UNC13C: variants seen among roughly 807,000 people sequenced by gnomAD.
UNC13C encodes the protein unc-13 homolog C.
A neutral mutation model predicts 245.4 loss-of-function variants in UNC13C; 174 were observed. That is an observed-to-expected ratio of 0.71 (90% confidence interval 0.63 to 0.80). UNC13C has a LOEUF of 0.80. Ranked by LOEUF, UNC13C falls within the 30% of genes least tolerant of loss-of-function variation. The pLI is 0.00. For missense variants in UNC13C, 2,829 were observed against 2,602.9 expected (o/e 1.09, Z -1.89); for synonymous variants, 992 against 895.1 (o/e 1.11, Z -1.93).
chr15:53,927,958 A>G, the UNC13C span, among the ~76,000 whole-genome samples: 2 of 152,204 alleles, frequency 1.3e-5, no homozygotes, highest in Non-Finnish European at 2.9e-5. Flanking sequence ...AACTAGTTGA[A>G]ATAGACATGT....
intron 19 of UNC13C, among the ~76,000 whole-genome samples, chr15:54,455,205 C>CTCTCTCTCTCTCTCTA (rs1388065398): frequency 2.6e-4 from 5 of 18,960 alleles, no homozygotes; most frequent in Non-Finnish European, 3.7e-4. Flanking sequence ...CTCTCTCTCT[C>CTCTCTCTCTCTCTCTA]TATATATATA....
At chr15:54,071,014 AT>A (rs577436821) in intron 2 of UNC13C, among the ~76,000 whole-genome samples, 1 of 152,182 alleles carries the variant, frequency 6.6e-6, no homozygotes, top group Non-Finnish European at 1.5e-5. Flanking sequence ...TTTTAACTTT[AT>A]AAAGATAATA....
At chr15:54,326,823 C>G (rs1214569320) in intron 14 of UNC13C, among the ~76,000 whole-genome samples, 1 of 152,024 alleles carries the variant, frequency 6.6e-6, no homozygotes, top group Non-Finnish European at 1.5e-5. Context: ...TATGCTACAA[C>G]TGGCTGGTAC....
intron 17 of UNC13C, among the ~76,000 whole-genome samples, chr15:54,340,248 A>G (rs113282447): frequency 0.26 from 39,118 of 152,020 alleles, 5,373 homozygotes; most frequent in Admixed American, 0.34. Context: ...TATTTACTCT[A>G]CTGACTGTTC....
At chr15:54,234,662 C>G (rs1342757383) in intron 4 of UNC13C, among the ~76,000 whole-genome samples, 1 of 152,142 alleles carries the variant, frequency 6.6e-6, no homozygotes, top group East Asian at 1.9e-4. Context: ...AGCACCATAG[C>G]CAGACCAAAC....
intron 19 of UNC13C, among the ~76,000 whole-genome samples, chr15:54,422,683 G>C (rs1321466212): frequency 6.6e-6 from 1 of 151,720 alleles, no homozygotes; most frequent in Non-Finnish European, 1.5e-5. Flanking sequence ...TCTCTTCATA[G>C]AGGGCTCCTT....
At chr15:53,888,219 T>A in the UNC13C span, among the ~76,000 whole-genome samples, 1 of 152,194 alleles carries the variant, frequency 6.6e-6, no homozygotes, top group Non-Finnish European at 1.5e-5. Flanking sequence ...GCATCTGTTG[T>A]TTCCTGACTT....
chr15:54,614,316 G>A (rs1248864155), intron 30 of UNC13C, among the ~76,000 whole-genome samples: 3 of 151,864 alleles, frequency 2.0e-5, no homozygotes, highest in African/African-American at 4.8e-5. Flanking sequence ...TAATTAAAGG[G>A]TTGTCATGAG....
intron 14 of UNC13C, among the ~76,000 whole-genome samples, chr15:54,330,613 G>A (rs746214611): frequency 5.9e-5 from 9 of 151,962 alleles, no homozygotes; most frequent in Non-Finnish European, 1.0e-4. Flanking sequence ...TTTGATAATC[G>A]TCTAAATGAT....
intron 2 of UNC13C, among the ~76,000 whole-genome samples, chr15:54,038,124 A>AAATTTTTT (rs1555406259): frequency 6.7e-5 from 3 of 45,040 alleles, no homozygotes; most frequent in African/African-American, 3.2e-4. Flanking sequence ...ATATATATAT[A>AAATTTTTT]TTTTTTTTTT....
At chr15:54,330,759 G>A (rs113200927) in intron 14 of UNC13C, among the ~76,000 whole-genome samples, 8 of 152,162 alleles carry the variant, frequency 5.3e-5, no homozygotes, top group East Asian at 3.9e-4. Context: ...CCCCTGGGAA[G>A]GTATAATGGA....
chr15:53,905,720 C>T, the UNC13C span, among the ~76,000 whole-genome samples: 1 of 151,948 alleles, frequency 6.6e-6, no homozygotes, highest in East Asian at 1.9e-4. Flanking sequence ...GTGACTATAG[C>T]TTACTGCATT....
At chr15:54,587,781 C>T (rs955195634) in intron 30 of UNC13C, among the ~76,000 whole-genome samples, 1 of 151,682 alleles carries the variant, frequency 6.6e-6, no homozygotes, top group Non-Finnish European at 1.5e-5. Context: ...TCTACACAAA[C>T]AGCAAACATC....
chr15:53,985,748 C>G (rs1162806935), intron 1 of UNC13C, among the ~76,000 whole-genome samples: 2 of 152,016 alleles, frequency 1.3e-5, no homozygotes, highest in Non-Finnish European at 2.9e-5. Flanking sequence ...CATTATAGGT[C>G]AATGTCAACT....
chr15:54,466,906 T>G (rs185960845), intron 19 of UNC13C, among the ~76,000 whole-genome samples: 1 of 151,910 alleles, frequency 6.6e-6, no homozygotes, highest in Non-Finnish European at 1.5e-5. Context: ...TAAAATATTA[T>G]GATAAATTGG....
chr15:54,359,799 T>A (rs1237524186), intron 17 of UNC13C, among the ~76,000 whole-genome samples: 1 of 151,870 alleles, frequency 6.6e-6, no homozygotes, highest in Non-Finnish European at 1.5e-5. Flanking sequence ...GAAAACCAAG[T>A]CTTGGTTTTG....
At chr15:54,455,205 C>CTCTCTATATATATATATATATA (rs1388065398) in intron 19 of UNC13C, among the ~76,000 whole-genome samples, 1 of 18,962 alleles carries the variant, frequency 5.3e-5, no homozygotes, top group Non-Finnish European at 9.2e-5. Context: ...CTCTCTCTCT[C>CTCTCTATATATATATATATATA]TATATATATA....
chr15:54,245,397 C>T (rs2035965093), intron 7 of UNC13C, among the ~76,000 whole-genome samples: 1 of 152,024 alleles, frequency 6.6e-6, no homozygotes, highest in African/African-American at 2.4e-5. Flanking sequence ...TTTCTTAGGA[C>T]AATGTTAATT....
At chr15:54,261,662 C>G (rs2036428667) in intron 8 of UNC13C, among the ~76,000 whole-genome samples, 1 of 152,162 alleles carries the variant, frequency 6.6e-6, no homozygotes, top group Non-Finnish European at 1.5e-5. Context: ...CCTGCCTCAG[C>G]CTCTCGAGGT....
Sources: gnomAD v4.1 joint callset for allele counts (sites outside exome capture counted in the v4.1 genomes callset) on GRCh38, gnomAD v4.1.1 for gene constraint, MANE v1.5 for transcripts, NCBI Gene and HGNC (gene_info 2026-07-23, HGNC 2026-07-21) for gene names.